VPS9D1: variants seen among roughly 807,000 people sequenced by gnomAD.
The protein encoded by VPS9D1 is VPS9 domain-containing protein 1.
VPS9D1 carries 78 observed loss-of-function variants against 75.8 expected under a neutral mutation model. The ratio of observed to expected loss-of-function variants is 1.03; its 90% CI spans 0.86 to 1.24. VPS9D1 has a LOEUF of 1.24. VPS9D1 is among the 50% of genes most tolerant of loss of function. The probability of loss-of-function intolerance (pLI) is 0.00; values close to 1 mark genes in which losing one functional copy is unlikely to be tolerated. For missense variants in VPS9D1, 1,057 were observed against 847.7 expected, an observed-to-expected ratio of 1.25 and a Z score of -3.07; for synonymous variants, 481 against 385.6, an observed-to-expected ratio of 1.25 and a Z score of -2.90.
chr16:89,716,418 A>T, intron 4 of VPS9D1, 44 bp downstream of exon 4: 1 of 1,607,842 alleles, frequency 6.2e-7, no homozygotes, highest in Non-Finnish European at 8.5e-7. Context: ...AGCCTCAAAA[A>T]CCCAATCCCA....
chr16:89,713,404 G>A (rs1329773569), intron 4 of VPS9D1, among the ~76,000 whole-genome samples: 4 of 151,610 alleles, frequency 2.6e-5, no homozygotes, highest in Non-Finnish European at 4.4e-5. Context: ...ACAGGTGCCC[G>A]CCACTATGCC....
chr16:89,712,794 T>C (rs892548639), intron 4 of VPS9D1, 78 bp from the exon 5 acceptor site: 46 of 1,295,402 alleles, frequency 3.6e-5, no homozygotes, highest in Non-Finnish European at 4.8e-5. Context: ...TCTCTCATCC[T>C]CCCGGATTGC....
Position 89,708,973 on chromosome 16 carries a change from G to A in VPS9D1, c.1598-17C>T, listed in dbSNP as rs749440801. ...GGGTCCGCACTGCGCCCCAGACAGG[G>A]TTTCAGGGGCAGTTAACCCCGTCCA... On this transcript the variant is annotated splice_polypyrimidine_tract_variant and intron_variant, in intron 12 of 14. Coordinates refer to ENST00000389386, the MANE Select transcript of VPS9D1 (RefSeq NM_004913.3). The A allele has an allele frequency of 2.5e-6, 4 of 1,581,644 alleles. No homozygotes were observed. The highest frequency in any genetic ancestry group is 2.3e-5 in the South Asian group (2 of 86,768).
Position 89,710,717 on chromosome 16 carries a change from T to A in VPS9D1, c.1127A>T (p.Lys376Met), listed in dbSNP as rs1226552584. Residue 376 changes from lysine to methionine, a missense_variant, in exon 10 of 15, where the codon AAG becomes ATG. By Grantham distance (95) the Lys-to-Met change is moderately conservative. Transcript: ENST00000389386. ...CTCCAGGTCCTCGAACGAGCTGTCCTTGTCTGGCAATCCAGATGCGGTGTC... is the reference window on the plus strand; with the variant it reads ...CTCCAGGTCCTCGAACGAGCTGTCCATGTCTGGCAATCCAGATGCGGTGTC... Reference protein sequence around the residue: ...LGDTASGLPDKDSSFEDLEQF... With the variant: ...LGDTASGLPDMDSSFEDLEQF... The A allele has an allele frequency of 6.2e-7, 1 of 1,602,252 alleles. No homozygotes were observed. Among genetic ancestry groups the A allele is most frequent in the Admixed American group, 1.7e-5 (1 of 58,372 alleles).
Position 89,709,052 on chromosome 16 carries a change from C to CGGCTGG in VPS9D1, c.1598-102_1598-97dup. On this transcript the variant is annotated intron_variant, in intron 12 of 14. Coordinates refer to ENST00000389386, the MANE Select transcript of VPS9D1 (RefSeq NM_004913.3). ...CCACCCACCCACCTCCTGATGTGCA[C>CGGCTGG]GGCTGGGAAGAGCCACGGTGACCCT... is the stretch of plus-strand genomic sequence containing the variant. 15 of 1,326,732 alleles carry CGGCTGG rather than the reference C, an allele frequency of 1.1e-5. No homozygotes were observed. In the South Asian group the frequency reaches 1.9e-4, roughly 17 times the overall value. The allele number at this position is 1,326,732 out of a possible 1,614,324, so 82.2% of individuals were successfully genotyped here. A position where few individuals can be genotyped will look rare whatever the true frequency, so the allele number is the denominator to read the frequency against.
chr16:89,708,415 G>A lies in VPS9D1; in HGVS notation c.1802+12C>T, dbSNP rs374246505. The A allele has an allele frequency of 1.2e-5, 20 of 1,606,702 alleles. No individual in the cohort carries two copies. Among genetic ancestry groups the A allele is most frequent in the Middle Eastern group, 1.6e-4 (1 of 6,070 alleles). On this transcript the variant is annotated intron_variant, in intron 14 of 14. Transcript: ENST00000389386. ...CGCACAGAGACCCCCACCCTGACCC[G>A]CCAGGGTCTACCCCTCGTGGATGAA...
intron 6 of VPS9D1, 175 bp from the exon 7 acceptor site, chr16:89,712,274 C>T: frequency 1.5e-6 from 2 of 1,321,034 alleles, no homozygotes; most frequent in Non-Finnish European, 1.0e-6. Context: ...GAGGGCCGGG[C>T]CAGAGAACAT....
intron 8 of VPS9D1, 65 bp downstream of exon 8, chr16:89,711,817 G>C (rs1178350364): frequency 6.8e-7 from 1 of 1,475,516 alleles, no homozygotes; most frequent in Non-Finnish European, 9.1e-7. Flanking sequence ...GCCCACCCAG[G>C]CGGCTCTGAC....
chr16:89,712,405 T>C, intron 6 of VPS9D1, 55 bp downstream of exon 6: 3 of 1,607,042 alleles, frequency 1.9e-6, no homozygotes, highest in Non-Finnish European at 2.5e-6. Context: ...TGCCCTTGGC[T>C]CAAGGCCACA....
At chr16:89,716,290 C>A (rs931279496) in intron 4 of VPS9D1, among the ~76,000 whole-genome samples, 172 bp downstream of exon 4, 1 of 151,948 alleles carries the variant, frequency 6.6e-6, no homozygotes, top group Non-Finnish European at 1.5e-5. Flanking sequence ...GGTGTGAACC[C>A]GGGAGGTGGA....
chr16:89,710,879 C>T lies in VPS9D1; in HGVS notation c.965G>A (p.Ser322Asn). ...GCTCTGCGAGGGCCGCAGCCGTCGGCTTCCGGGGTTGGGGGTCGGGGGGCA... is the reference window on the plus strand; with the variant it reads ...GCTCTGCGAGGGCCGCAGCCGTCGGTTTCCGGGGTTGGGGGTCGGGGGGCA... ...GCCPPTPNPG[S>N]RRLRPSQSLH... Residue 322 changes from serine (S) to asparagine (N), a missense_variant, in exon 10 of 15, where the codon AGC (serine) becomes AAC (asparagine). Physicochemically the swap from Ser to Asn is conservative, Grantham distance 46. Coordinates refer to ENST00000389386, the MANE Select transcript of VPS9D1 (RefSeq NM_004913.3). The T allele has an allele frequency of 6.7e-7, 1 of 1,498,934 alleles. No homozygotes were observed. Among genetic ancestry groups the T allele is most frequent in the Non-Finnish European group, 8.9e-7 (1 of 1,127,454 alleles). 92.9% of individuals were successfully genotyped at this position (1,498,934 alleles called of 1,614,324 possible). A position where few individuals can be genotyped will look rare whatever the true frequency, so the allele number is the denominator to read the frequency against.
Position 89,716,579 on chromosome 16 carries a change from G to A in VPS9D1, c.314C>T (p.Pro105Leu), listed in dbSNP as rs754677006. 2 of 1,613,884 alleles carry A rather than the reference G, an allele frequency of 1.2e-6. No individual in the cohort carries two copies. Among genetic ancestry groups the A allele is most frequent in the African/African-American group, 2.7e-5 (2 of 74,916 alleles). ...KPTMPAAAPI[P>L]QPAGRHRRVY... ...ACGGCGGTGTCGGCCGGCAGGCTGG[G>A]GAATGGGAGCAGCTGCAGGCATGGT... Residue 105 changes from proline (P) to leucine (L), a missense_variant, in exon 4 of 15, where the codon CCC (proline) becomes CTC (leucine). Physicochemically the swap from Pro to Leu is moderately conservative, Grantham distance 98. Coordinates refer to ENST00000389386, the MANE Select transcript of VPS9D1 (RefSeq NM_004913.3).
At chr16:89,717,931 G>C (rs775418318) in intron 2 of VPS9D1, 3 of 361,128 alleles carry the variant, frequency 8.3e-6, no homozygotes, top group Non-Finnish European at 1.7e-5. Flanking sequence ...TGGCTCCCCC[G>C]ACCTCTGTGC....
In VPS9D1 at chr16:89,707,833, C is replaced by G; in HGVS notation, c.*28G>C. 1 of 1,610,154 alleles carries G rather than the reference C, an allele frequency of 6.2e-7. No homozygotes were observed. The highest frequency in any genetic ancestry group is 8.5e-7 in the Non-Finnish European group (1 of 1,177,626). On this transcript the variant is annotated 3_prime_UTR_variant, in exon 15 of 15. Coordinates refer to ENST00000389386, the MANE Select transcript of VPS9D1 (RefSeq NM_004913.3). Reference sequence around the variant, plus strand: ...ACAGCCCTGGGAGGCGAGGCCAGGCCCTGCAGGGACCCTGGGCTCTAGCTG... The same window carrying G: ...ACAGCCCTGGGAGGCGAGGCCAGGCGCTGCAGGGACCCTGGGCTCTAGCTG...
intron 4 of VPS9D1, among the ~76,000 whole-genome samples, chr16:89,713,793 G>A (rs2033390861): frequency 6.6e-6 from 1 of 151,714 alleles, no homozygotes; most frequent in East Asian, 2.0e-4. Context: ...CGGATAATGA[G>A]GTCAGGAGAT....
intron 8 of VPS9D1, chr16:89,711,660 A>G (rs1211843852): frequency 5.1e-6 from 3 of 589,062 alleles, no homozygotes; most frequent in Non-Finnish European, 8.4e-6. Context: ...CCTCGCTGGG[A>G]CCCTCCCACG....
chr16:89,718,566 G>A (rs757516047), intron 2 of VPS9D1, among the ~76,000 whole-genome samples: 29 of 152,164 alleles, frequency 1.9e-4, no homozygotes, highest in Non-Finnish European at 3.4e-4. Context: ...ATCACACTGA[G>A]TGTGGGCTGG....
At chr16:89,716,894 C>T in intron 2 of VPS9D1, 72 bp from the exon 3 acceptor site, 6 of 1,424,536 alleles carry the variant, frequency 4.2e-6, no homozygotes, top group Non-Finnish European at 5.6e-6. Flanking sequence ...TAAAATGAGG[C>T]AACGGAAAAG....
Position 89,711,419 on chromosome 16 carries a change from G to A in VPS9D1, c.748-7C>T, listed in dbSNP as rs2060916573. On this transcript the variant is annotated splice_polypyrimidine_tract_variant and splice_region_variant and intron_variant, in intron 8 of 14. Transcript: ENST00000389386. ...TCCAGTGCTTCGGCCAGTCCTACGG[G>A]ACAGGGGGCCTTGAAGGAAAGCACG... is the stretch of plus-strand genomic sequence containing the variant. 2.5e-6 allele frequency: 4 copies of A among 1,601,342 alleles called. No homozygotes were observed. Among genetic ancestry groups the A allele is most frequent in the Admixed American group, 1.7e-5 (1 of 58,192 alleles).
Sources: gnomAD v4.1 joint callset for allele counts (sites outside exome capture counted in the v4.1 genomes callset) on GRCh38, gnomAD v4.1.1 for gene constraint, MANE v1.5 for transcripts, NCBI Gene and HGNC (gene_info 2026-07-23, HGNC 2026-07-21) for gene names.